The following CCM2 variants were observed in gnomAD, a reference collection of about 807,000 sequenced individuals.
The protein encoded by CCM2 is CCM2 scaffold protein, also known as cerebral cavernous malformations 2 protein.
CCM2 carries 25 observed loss-of-function variants against 44.9 expected under a neutral mutation model. The ratio of observed to expected loss-of-function variants is 0.56; its 90% confidence interval spans 0.41 to 0.78. The LOEUF is 0.78. Among genes scored for constraint, CCM2 ranks in the 30% least tolerant of loss-of-function variants. The pLI is 0.00. For missense variants in CCM2, 481 were observed against 580.6 expected, an observed-to-expected ratio of 0.83 and a Z score of 1.76; for synonymous variants, 219 against 241.1, an observed-to-expected ratio of 0.91 and a Z score of 0.85.
chr7:45,072,830 G>A, intron 7 of CCM2, 47 bp downstream of exon 7: 1 of 1,497,126 alleles, frequency 6.7e-7, no homozygotes, highest in African/African-American at 1.4e-5. Flanking sequence ...CGCACCAAAT[G>A]CGTTGTCTGG....
intron 2 of CCM2, among the ~76,000 whole-genome samples, chr7:45,054,147 G>A (rs1798139874): frequency 6.6e-6 from 1 of 152,292 alleles, no homozygotes; most frequent in South Asian, 2.1e-4. Flanking sequence ...GACACATCCC[G>A]TAGCCGGTGT....
Position 45,000,306 on chromosome 7 carries a change from G to T in CCM2, c.-28G>T. The T allele has an allele frequency of 8.0e-7, 1 of 1,253,898 alleles. No homozygotes were observed. Among genetic ancestry groups the T allele is most frequent in the Non-Finnish European group, 1.0e-6 (1 of 993,430 alleles). 77.7% of individuals were successfully genotyped at this position (1,253,898 alleles called of 1,614,324 possible). A position where few individuals can be genotyped will look rare whatever the true frequency, so the allele number is the denominator to read the frequency against. On this transcript the variant is annotated 5_prime_UTR_variant, in exon 1 of 10. Transcript: ENST00000258781. ...CGGCGGGGCTCCCGGGGCGGGCCGGGCGGGCCGCGGGAGCCGCACGCGGCG... is the reference window on the plus strand; with the variant it reads ...CGGCGGGGCTCCCGGGGCGGGCCGGTCGGGCCGCGGGAGCCGCACGCGGCG...
chr7:45,018,386 C>A (rs1009311980), intron 1 of CCM2, among the ~76,000 whole-genome samples: 11 of 152,150 alleles, frequency 7.2e-5, no homozygotes, highest in Admixed American at 2.0e-4. Context: ...GAGATAGAGT[C>A]TCGCTTTGTC....
chr7:45,013,210 G>C lies in CCM2; in HGVS notation c.30+12847G>C, dbSNP rs146230013. On this transcript the variant is annotated intron_variant, in intron 1 of 9. Transcript: ENST00000258781. ...ATCATTTCTTTCTTGTACACTGTAA[G>C]AACCTATCAGCAGTATCATTCCATT... is the stretch of plus-strand genomic sequence containing the variant. Among the ~76,000 whole-genome samples, 451 of 152,076 alleles carry C rather than the reference G, an allele frequency of 3.0e-3. 4 individuals carry two copies. Among genetic ancestry groups the C allele is most frequent in the African/African-American group, 0.01 (423 of 41,494 alleles).
At chr7:45,052,278 C>T (rs555401311) in intron 2 of CCM2, among the ~76,000 whole-genome samples, 1 of 152,274 alleles carries the variant, frequency 6.6e-6, no homozygotes, top group African/African-American at 2.4e-5. Context: ...TGGTTGGTCT[C>T]TTGGAGGGGA....
intron 1 of CCM2, among the ~76,000 whole-genome samples, chr7:45,024,940 TTG>T (rs751359484): frequency 1.3e-4 from 20 of 152,244 alleles, no homozygotes; most frequent in Non-Finnish European, 2.4e-4. Context: ...CTTCTGATAT[TTG>T]TGTCCCTCTT....
chr7:45,010,997 GAC>G (rs779146217), intron 1 of CCM2, among the ~76,000 whole-genome samples: 10 of 152,252 alleles, frequency 6.6e-5, no homozygotes, highest in Non-Finnish European at 1.0e-4. Flanking sequence ...AACTTTATAA[GAC>G]ACTGCCAAAC....
At chr7:45,045,117 T>A (rs1025261809) in intron 2 of CCM2, among the ~76,000 whole-genome samples, 1 of 152,246 alleles carries the variant, frequency 6.6e-6, no homozygotes, top group Non-Finnish European at 1.5e-5. Context: ...CATTAACTTA[T>A]TCAACAAATA....
At chr7:45,034,863 G>A (rs1223660465) in intron 1 of CCM2, among the ~76,000 whole-genome samples, 1 of 151,512 alleles carries the variant, frequency 6.6e-6, no homozygotes, top group Admixed American at 6.6e-5. Flanking sequence ...CTTGAGACAA[G>A]GTCTCACTCT....
At position 45,076,238 on chromosome 7, in the gene CCM2, G is replaced by A. The variant is rs914046826; in HGVS notation, c.*181G>A. The A allele has an allele frequency of 4.8e-6, 4 of 834,128 alleles. No individual in the cohort carries two copies. The highest frequency in any genetic ancestry group is 1.4e-5 in the South Asian group (1 of 69,322). 51.7% of individuals were successfully genotyped at this position (834,128 alleles called of 1,614,324 possible). On this transcript the variant is annotated 3_prime_UTR_variant, in exon 10 of 10. Coordinates refer to ENST00000258781, the MANE Select transcript of CCM2 (RefSeq NM_031443.4). ...GGAGCAGGGAGCTGCCGAGGGACACGAGCCTCAGTGCGGGGTGGAAGGCTC... is the reference window on the plus strand; with the variant it reads ...GGAGCAGGGAGCTGCCGAGGGACACAAGCCTCAGTGCGGGGTGGAAGGCTC...
intron 1 of CCM2, among the ~76,000 whole-genome samples, chr7:45,014,911 C>T (rs545575107): frequency 2.6e-5 from 4 of 152,122 alleles, no homozygotes; most frequent in African/African-American, 9.7e-5. Flanking sequence ...CGTGAGCCAC[C>T]ATGCCCGGCC....
chr7:45,013,826 G>A (rs1796156823), intron 1 of CCM2, among the ~76,000 whole-genome samples: 1 of 152,046 alleles, frequency 6.6e-6, no homozygotes, highest in African/African-American at 2.4e-5. Context: ...CTCTCAGTTG[G>A]GTCTGTTTTT....
At position 45,076,275 on chromosome 7, in the gene CCM2, C is replaced by T. The variant is rs559549273; in HGVS notation, c.*218C>T. 1.2e-5 allele frequency: 9 copies of T among 726,742 alleles called. 1 individual carries two copies. The South Asian group carries it at 1.3e-4, about 11-fold the overall frequency. 45.0% of individuals were successfully genotyped at this position (726,742 alleles called of 1,614,324 possible). ...GGGGTGGAAGGCTCTTTGCCTTGTC[C>T]ACCAGGGCTCAGCCAAGCCCTGCAG... On this transcript the variant is annotated 3_prime_UTR_variant, in exon 10 of 10. Coordinates refer to ENST00000258781, the MANE Select transcript of CCM2 (RefSeq NM_031443.4).
chr7:45,046,198 A>T (rs1323799844), intron 2 of CCM2, among the ~76,000 whole-genome samples: 4 of 152,274 alleles, frequency 2.6e-5, no homozygotes, highest in South Asian at 4.1e-4. Flanking sequence ...TTTTTTGTAG[A>T]TATAAACAAG....
intron 7 of CCM2, chr7:45,073,146 C>T: frequency 1.2e-5 from 7 of 572,760 alleles, no homozygotes; most frequent in South Asian, 2.0e-5. Flanking sequence ...CCCACTCGCG[C>T]TCTCCATTCC....
intron 2 of CCM2, among the ~76,000 whole-genome samples, chr7:45,057,971 T>C (rs560977118): frequency 6.6e-6 from 1 of 152,316 alleles, no homozygotes; most frequent in African/African-American, 2.4e-5. Flanking sequence ...GTGCCCTGAG[T>C]GTGCTTCAGC....
At chr7:45,029,870 T>G (rs888562794) in intron 1 of CCM2, among the ~76,000 whole-genome samples, 6 of 152,254 alleles carry the variant, frequency 3.9e-5, no homozygotes, top group Non-Finnish European at 7.3e-5. Context: ...ACATTTTAGG[T>G]TTCCAACTTT....
chr7:45,011,662 C>T (rs1796072934), intron 1 of CCM2, among the ~76,000 whole-genome samples: 1 of 151,930 alleles, frequency 6.6e-6, no homozygotes. Flanking sequence ...ATCAATTCTC[C>T]TACCTCAGCC....
intron 1 of CCM2, among the ~76,000 whole-genome samples, chr7:45,026,555 T>C (rs1411996488): frequency 6.6e-6 from 1 of 152,086 alleles, no homozygotes; most frequent in Non-Finnish European, 1.5e-5. Flanking sequence ...TTGTAATTGT[T>C]ATGTTTATTT....
Sources: allele counts gnomAD v4.1 joint callset (sites outside exome capture counted in the v4.1 genomes callset), GRCh38; gene constraint gnomAD v4.1.1; transcripts MANE v1.5; gene names NCBI Gene and HGNC (gene_info 2026-07-23, HGNC 2026-07-21).